The following ARFGEF3 variants were observed in gnomAD, a reference collection of about 807,000 sequenced individuals.
The protein encoded by ARFGEF3 is ARFGEF family member 3, also known as brefeldin A-inhibited guanine nucleotide-exchange protein 3.
In ARFGEF3, 96 loss-of-function variants were observed where a neutral mutation model predicts 221.7. The ratio of observed to expected loss-of-function variants is 0.43; its 90% CI spans 0.37 to 0.51. ARFGEF3 has a LOEUF of 0.51. ARFGEF3 is among the 20% of genes least tolerant of loss of function. The probability of loss-of-function intolerance (pLI) is 0.00; values close to 1 mark genes in which losing one functional copy is unlikely to be tolerated. For missense variants in ARFGEF3, 2,410 were observed against 2,789.9 expected (o/e 0.86, Z 3.07); for synonymous variants, 1,145 against 1,126.8 (o/e 1.02, Z -0.32).
intron 4 of ARFGEF3, among the ~76,000 whole-genome samples, chr6:138,224,237 G>A (rs1778036208): frequency 6.6e-6 from 1 of 152,238 alleles, no homozygotes; most frequent in South Asian, 2.1e-4. Flanking sequence ...TAGGTTCTCA[G>A]CAGAGCATAA....
intron 12 of ARFGEF3, among the ~76,000 whole-genome samples, chr6:138,270,650 T>G (rs1778988239): frequency 6.6e-6 from 1 of 152,170 alleles, no homozygotes; most frequent in Admixed American, 6.5e-5. Context: ...AGTAGTACAG[T>G]AGGTGAAAGG....
chr6:138,163,695 T>G (rs1024335886), intron 1 of ARFGEF3, among the ~76,000 whole-genome samples: 4 of 152,174 alleles, frequency 2.6e-5, no homozygotes, highest in South Asian at 2.1e-4. Flanking sequence ...TTAAAGCCAC[T>G]GGGGAGGCTG....
chr6:138,174,160 A>G (rs558624704), intron 2 of ARFGEF3, among the ~76,000 whole-genome samples: 1 of 152,290 alleles, frequency 6.6e-6, no homozygotes, highest in South Asian at 2.1e-4. Flanking sequence ...ACTTTTATAC[A>G]TTTAAGGAGG....
At chr6:138,314,900 T>C (rs1383409972) in intron 26 of ARFGEF3, among the ~76,000 whole-genome samples, 1 of 152,248 alleles carries the variant, frequency 6.6e-6, no homozygotes, top group Non-Finnish European at 1.5e-5. Flanking sequence ...GCTTAAAGTT[T>C]CCATGGACTT....
Position 138,220,885 on chromosome 6 carries a change from T to C in ARFGEF3, c.352-8899T>C, listed in dbSNP as rs141367394. The stretch of plus-strand genomic sequence containing the variant: ...CTTGCCATATAAACACAGCTGAATC[T>C]CCTAGAATTCACTTGAAATAGTAAA... On this transcript the variant is annotated intron_variant, in intron 4 of 33. Coordinates refer to ENST00000251691, the MANE Select transcript of ARFGEF3 (RefSeq NM_020340.5). 1.6e-3 allele frequency among the ~76,000 whole-genome samples: 248 copies of C among 152,338 alleles called. 1 individual carries two copies. Among genetic ancestry groups the C allele is most frequent in the African/African-American group, 5.8e-3 (242 of 41,566 alleles).
At chr6:138,335,788 T>C (rs1380580665) in intron 33 of ARFGEF3, among the ~76,000 whole-genome samples, 2 of 152,236 alleles carry the variant, frequency 1.3e-5, no homozygotes, top group Admixed American at 6.5e-5. Flanking sequence ...TCTGTAGTTA[T>C]GAAGCATTAT....
chr6:138,334,479 G>C lies in ARFGEF3; in HGVS notation c.5633G>C (p.Arg1878Thr). The stretch of plus-strand genomic sequence containing the variant: ...AGCCCCCCGAGAGGCAAGGAGAAGA[G>C]ACAGTGGCGGGCACGGATGCCCTTG... ...QVSPPRGKEKRQWRARMPLLS... is the reference protein window; with the variant it reads ...QVSPPRGKEKTQWRARMPLLS... Residue 1878 changes from arginine (R) to threonine (T), a missense_variant, in exon 33 of 34, where the codon AGA becomes ACA. This residue lies in a region of ARFGEF3 where 723 missense variants were observed against 991.9 expected (regional missense o/e 0.73). Coordinates refer to ENST00000251691, the MANE Select transcript of ARFGEF3 (RefSeq NM_020340.5). This position sits in a 1 kb window ranked among gnomAD's most constrained non-coding sequence, Gnocchi z 5.1. The C allele has an allele frequency of 3.7e-6, 6 of 1,612,024 alleles. No homozygotes were observed. The highest frequency in any genetic ancestry group is 5.1e-6 in the Non-Finnish European group (6 of 1,179,238).
chr6:138,177,887 GT>G (rs1476078221), intron 2 of ARFGEF3, among the ~76,000 whole-genome samples: 1 of 151,110 alleles, frequency 6.6e-6, no homozygotes, highest in Non-Finnish European at 1.5e-5. Context: ...CCTTATATTC[GT>G]TTTCAGATTT....
intron 4 of ARFGEF3, among the ~76,000 whole-genome samples, chr6:138,214,930 C>T (rs568428546): frequency 6.6e-6 from 1 of 152,058 alleles, no homozygotes; most frequent in South Asian, 2.1e-4. Flanking sequence ...CTATGGAACC[C>T]AAAGAAAAGT....
chr6:138,323,648 C>A (rs539980117), intron 29 of ARFGEF3, 23 bp from the exon 30 acceptor site: 2 of 1,597,984 alleles, frequency 1.3e-6, no homozygotes, highest in South Asian at 2.2e-5. Context: ...AAAAAAAACT[C>A]CTTTACTTGT....
In ARFGEF3 at chr6:138,287,136, G is replaced by T; in HGVS notation, c.2848G>T (p.Glu950Ter). 1 of 1,575,330 alleles carries T rather than the reference G, an allele frequency of 6.3e-7. No homozygotes were observed. The change falls in exon 17 of 34, where the codon GAA becomes TAA. Residue 950 changes from glutamate (E) to a stop codon, truncating the protein, a stop_gained. Coordinates refer to ENST00000251691, the MANE Select transcript of ARFGEF3 (RefSeq NM_020340.5). LOFTEE classifies it high-confidence loss of function. Reference sequence around the variant, plus strand: ...GGCAGCTGCCTCCTGTGTCCAAGAAGAAAAAGAAGAGAGGGAGGCCCAAGA... The same window carrying T: ...GGCAGCTGCCTCCTGTGTCCAAGAATAAAAAGAAGAGAGGGAGGCCCAAGA... ...QMAAASCVQE[E>*]KEEREAQEPS...
chr6:138,236,659 G>T (rs545098118), intron 5 of ARFGEF3, among the ~76,000 whole-genome samples: 25 of 152,116 alleles, frequency 1.6e-4, no homozygotes, highest in Non-Finnish European at 3.5e-4. Context: ...TAGAGATGGG[G>T]TTTTGCCCCG....
At chr6:138,211,424 G>A (rs1176379614) in intron 4 of ARFGEF3, among the ~76,000 whole-genome samples, 2 of 152,040 alleles carry the variant, frequency 1.3e-5, no homozygotes, top group East Asian at 3.9e-4. Flanking sequence ...TTTCAGTTTG[G>A]CAGCTGTGCA....
intron 20 of ARFGEF3, among the ~76,000 whole-genome samples, chr6:138,295,256 C>T (rs1201102777): frequency 2.0e-5 from 3 of 152,094 alleles, no homozygotes; most frequent in Non-Finnish European, 2.9e-5. Context: ...GCATCTGAGG[C>T]AAGTCATATC....
chr6:138,261,594 A>G lies in ARFGEF3; in HGVS notation c.1172A>G (p.Lys391Arg). The change falls in exon 11 of 34, where the codon AAA becomes AGA. Residue 391 changes from lysine (K) to arginine (R), a missense_variant. This residue lies in a region of ARFGEF3 where 570 missense variants were observed against 586.9 expected (regional missense o/e 0.97). Coordinates refer to ENST00000251691, the MANE Select transcript of ARFGEF3 (RefSeq NM_020340.5). Reference sequence around the variant, plus strand: ...AGCTCCACTGAATCAGAGTCCAGAAAAAGATCAATTTCAAAAAGAAAGTCT... The same window carrying G: ...AGCTCCACTGAATCAGAGTCCAGAAGAAGATCAATTTCAAAAAGAAAGTCT... ...GPSSTESESR[K>R]RSISKRKSHL... 1 of 1,576,390 alleles carries G rather than the reference A, an allele frequency of 6.3e-7. No individual in the cohort carries two copies.
intron 23 of ARFGEF3, among the ~76,000 whole-genome samples, chr6:138,308,456 C>T (rs556993469): frequency 1.2e-4 from 18 of 152,218 alleles, no homozygotes; most frequent in Admixed American, 1.2e-3. Flanking sequence ...TGTGCAGGAG[C>T]ATTCCAGAGG....
chr6:138,290,023 G>A (rs1779371658), intron 18 of ARFGEF3, 55 bp downstream of exon 18: 1 of 1,555,660 alleles, frequency 6.4e-7, no homozygotes, highest in African/African-American at 1.4e-5. Context: ...GGGAAACCTG[G>A]AGTGGGCTGT....
intron 2 of ARFGEF3, among the ~76,000 whole-genome samples, chr6:138,173,102 G>A (rs1043063163): frequency 6.6e-6 from 1 of 152,054 alleles, no homozygotes; most frequent in African/African-American, 2.4e-5. Context: ...TAAGTTCAAG[G>A]AGAAAAATAA....
At chr6:138,320,837 A>C (rs967133538) in intron 28 of ARFGEF3, among the ~76,000 whole-genome samples, 3 of 152,202 alleles carry the variant, frequency 2.0e-5, no homozygotes, top group Non-Finnish European at 4.4e-5. Flanking sequence ...GTGATACTGC[A>C]ACACATAAAA....
Sources: allele counts gnomAD v4.1 joint callset (sites outside exome capture counted in the v4.1 genomes callset), GRCh38; gene constraint gnomAD v4.1.1; regional missense constraint gnomAD v4.1.1; non-coding constraint Gnocchi (gnomAD v3.1); transcripts MANE v1.5; gene names NCBI Gene and HGNC (gene_info 2026-07-23, HGNC 2026-07-21).